Variants in ADAMTSL1 observed in about 807,000 individuals in gnomAD.
ADAMTSL1 encodes ADAMTS like 1.
Under a neutral mutation model 201.8 loss-of-function variants are expected in ADAMTSL1, and 126 were observed. The observed-to-expected ratio is 0.62, with a 90% CI of 0.54 to 0.72. ADAMTSL1 has a LOEUF of 0.72. Among genes scored for constraint, ADAMTSL1 ranks in the 30% least tolerant of loss-of-function variants. The pLI, the probability that ADAMTSL1 is intolerant of heterozygous loss-of-function variation, is 0.00. For synonymous variants in ADAMTSL1, 1,121 were observed against 903.4 expected (o/e 1.24, Z -4.32); for missense variants, 2,679 against 2,277.8 (o/e 1.18, Z -3.59).
Position 18,310,399 on chromosome 9 carries a change from A to AAAAAAAAAAAC in ADAMTSL1, c.207+146418_207+146419insAAAAAAAAAAC, listed in dbSNP as rs1440483712. ...AAAAAAAAAAAAAAAAAAAAAAAAA[A>AAAAAAAAAAAC]CTATCTTCAGAGTGAACAGGCAACC... On this transcript the variant is annotated intron_variant, in intron 2 of 29. Transcript: ENST00000680146. Among the ~76,000 whole-genome samples, 163 of 127,396 alleles carry AAAAAAAAAAAC rather than the reference A, an allele frequency of 1.3e-3. 10 individuals carry two copies. Among genetic ancestry groups the AAAAAAAAAAAC allele is most frequent in the Non-Finnish European group, 2.2e-3 (128 of 58,276 alleles). The allele number at this position is 127,396 out of a possible 152,430, so 83.6% of individuals were successfully genotyped here. A position where few individuals can be genotyped will look rare whatever the true frequency, so the allele number is the denominator to read the frequency against.
intron 1 of ADAMTSL1, among the ~76,000 whole-genome samples, chr9:18,481,456 T>C (rs1821725256): frequency 6.6e-6 from 1 of 151,914 alleles, no homozygotes; most frequent in Non-Finnish European, 1.5e-5. Context: ...TCACAATCTC[T>C]ACAGTGAAGA....
intron 1 of ADAMTSL1, among the ~76,000 whole-genome samples, chr9:17,908,013 C>A (rs914087724): frequency 6.6e-6 from 1 of 152,044 alleles, no homozygotes; most frequent in African/African-American, 2.4e-5. Flanking sequence ...TTTTTCTTAA[C>A]GTTTTGCAAC....
intron 1 of ADAMTSL1, among the ~76,000 whole-genome samples, chr9:18,157,623 T>G (rs974260759): frequency 6.6e-5 from 10 of 152,038 alleles, no homozygotes; most frequent in Non-Finnish European, 1.5e-4. Flanking sequence ...ATCTCACTTC[T>G]TTCAGCTCTA....
At chr9:18,907,941 A>C (rs75815505) in intron 28 of ADAMTSL1, 6,236 of 184,244 alleles carry the variant, frequency 0.034, 207 homozygotes, top group South Asian at 0.13. Context: ...TTAACAGAGA[A>C]AGTAGGCCCA....
intron 20 of ADAMTSL1, among the ~76,000 whole-genome samples, chr9:18,801,791 C>T (rs1822822035): frequency 6.6e-6 from 1 of 152,150 alleles, no homozygotes; most frequent in African/African-American, 2.4e-5. Flanking sequence ...AGGTTGGCTC[C>T]ATGTCTTTGC....
At chr9:18,286,581 TA>T (rs1833002538) in intron 2 of ADAMTSL1, among the ~76,000 whole-genome samples, 13 of 120,534 alleles carry the variant, frequency 1.1e-4, no homozygotes, top group African/African-American at 1.5e-4. Context: ...GGTTTTCAGA[TA>T]TAATCATTTT....
At chr9:18,690,130 A>C (rs1831123302) in intron 13 of ADAMTSL1, among the ~76,000 whole-genome samples, 1 of 152,234 alleles carries the variant, frequency 6.6e-6, no homozygotes, top group Non-Finnish European at 1.5e-5. Flanking sequence ...ATCTGTGAAC[A>C]GAACCCAGAA....
chr9:18,297,429 A>G, intron 2 of ADAMTSL1, among the ~76,000 whole-genome samples: 1 of 151,412 alleles, frequency 6.6e-6, no homozygotes, highest in Admixed American at 6.6e-5. Flanking sequence ...CTGCCTGGAG[A>G]AAGTTCTTCA....
intron 4 of ADAMTSL1, among the ~76,000 whole-genome samples, chr9:18,600,914 C>A (rs1254100874): frequency 6.6e-6 from 1 of 152,116 alleles, no homozygotes; most frequent in African/African-American, 2.4e-5. Flanking sequence ...TTCTTTCTTC[C>A]TGTTGATTCC....
chr9:17,989,843 A>G (rs548930537), intron 1 of ADAMTSL1, among the ~76,000 whole-genome samples: 3 of 151,332 alleles, frequency 2.0e-5, no homozygotes, highest in African/African-American at 7.3e-5. Context: ...TTTTTTTAGC[A>G]TGCAAAGAAA....
chr9:18,628,700 A>G (rs1010138116), intron 5 of ADAMTSL1, among the ~76,000 whole-genome samples: 5 of 152,288 alleles, frequency 3.3e-5, no homozygotes, highest in Middle Eastern at 3.4e-3. Context: ...AAGTCACTCA[A>G]TCTATAAGGT....
At chr9:18,008,488 G>C (rs1819921184) in intron 1 of ADAMTSL1, among the ~76,000 whole-genome samples, 1 of 151,862 alleles carries the variant, frequency 6.6e-6, no homozygotes, top group South Asian at 2.1e-4. Flanking sequence ...TTTACATTTT[G>C]CTTATTGTTT....
intron 2 of ADAMTSL1, among the ~76,000 whole-genome samples, chr9:18,518,584 A>G (rs754144698): frequency 2.0e-5 from 3 of 152,010 alleles, no homozygotes; most frequent in East Asian, 1.9e-4. Context: ...TGACTTTGCT[A>G]TTGTGAATAG....
chr9:18,299,299 T>C (rs1264471425), intron 2 of ADAMTSL1, among the ~76,000 whole-genome samples: 1 of 152,074 alleles, frequency 6.6e-6, no homozygotes, highest in Admixed American at 6.5e-5. Context: ...TTGAACTCCC[T>C]CCCCAAGCAT....
At chr9:18,498,746 T>C (rs780388470) in intron 1 of ADAMTSL1, among the ~76,000 whole-genome samples, 1 of 152,234 alleles carries the variant, frequency 6.6e-6, no homozygotes, top group East Asian at 1.9e-4. Context: ...GTCTGTGCTC[T>C]TTCTCCTGCA....
At chr9:18,524,116 C>G (rs557346969) in intron 2 of ADAMTSL1, among the ~76,000 whole-genome samples, 4 of 149,870 alleles carry the variant, frequency 2.7e-5, no homozygotes, top group African/African-American at 7.4e-5. Context: ...CTTTTATTTC[C>G]TCGAGCAGTG....
intron 1 of ADAMTSL1, among the ~76,000 whole-genome samples, chr9:18,068,353 G>C (rs1822803310): frequency 6.6e-6 from 1 of 152,004 alleles, no homozygotes; most frequent in Non-Finnish European, 1.5e-5. Context: ...AAACAATACA[G>C]TGTATCAACT....
At chr9:18,470,053 G>A (rs1172415696), upstream of ADAMTSL1, among the ~76,000 whole-genome samples, 2 of 152,214 alleles carry the variant, frequency 1.3e-5, no homozygotes, top group Non-Finnish European at 2.9e-5. Context: ...GAGACTCTCA[G>A]TGTATGTAGC....
At chr9:18,117,543 G>A (rs540769972) in intron 1 of ADAMTSL1, among the ~76,000 whole-genome samples, 17 of 152,132 alleles carry the variant, frequency 1.1e-4, no homozygotes, top group African/African-American at 3.9e-4. Context: ...TGTTAATGAG[G>A]CTGGCCCTCT....
Sources: gnomAD v4.1 joint callset for allele counts (sites outside exome capture counted in the v4.1 genomes callset) on GRCh38, gnomAD v4.1.1 for gene constraint, MANE v1.5 for transcripts, NCBI Gene and HGNC (gene_info 2026-07-23, HGNC 2026-07-21) for gene names.